The following FAM120B variants were observed in gnomAD, a reference collection of about 807,000 sequenced individuals.
FAM120B encodes constitutive coactivator of peroxisome proliferator-activated receptor gamma.
FAM120B carries 83 observed loss-of-function variants against 96.3 expected under a neutral mutation model. The observed-to-expected ratio is 0.86, with a 90% confidence interval of 0.72 to 1.03. FAM120B has a LOEUF of 1.03. Ranked by LOEUF, FAM120B falls within the 50% of genes least tolerant of loss-of-function variation. FAM120B has a pLI of 0.00. For synonymous variants in FAM120B, 407 were observed against 402.7 expected, an observed-to-expected ratio of 1.01 and a Z score of -0.13; for missense variants, 1,027 against 1,121.2, an observed-to-expected ratio of 0.92 and a Z score of 1.20.
At chr6:170,403,098 G>A (rs1231506937) in intron 9 of FAM120B, among the ~76,000 whole-genome samples, 3 of 152,340 alleles carry the variant, frequency 2.0e-5, no homozygotes, top group Middle Eastern at 3.4e-3. Flanking sequence ...AGCCGTTCTT[G>A]CAAGACAGAA....
At chr6:170,375,932 A>G (rs1383463305) in intron 6 of FAM120B, among the ~76,000 whole-genome samples, 1 of 152,146 alleles carries the variant, frequency 6.6e-6, no homozygotes, top group African/African-American at 2.4e-5. Flanking sequence ...TTGTGAAGAG[A>G]GAGCATAGAA....
chr6:170,303,257 T>C (rs1784179828), upstream of FAM120B, among the ~76,000 whole-genome samples: 1 of 152,204 alleles, frequency 6.6e-6, no homozygotes, highest in Admixed American at 6.5e-5. Context: ...TTTTTGTGTG[T>C]GAGACAGCGT....
At chr6:170,301,876 A>T (rs183314043), upstream of FAM120B, among the ~76,000 whole-genome samples, 3 of 152,272 alleles carry the variant, frequency 2.0e-5, no homozygotes, top group East Asian at 3.9e-4. Flanking sequence ...GAAGCTCTAA[A>T]CTTTCCCACC....
At position 170,323,927 on chromosome 6, in the gene FAM120B, T is replaced by C. The variant is rs763434743; in HGVS notation, c.1915+668T>C. Among the ~76,000 whole-genome samples the C allele has an allele frequency of 2.8e-4, 43 of 152,324 alleles. No homozygotes were observed. In the Middle Eastern group the frequency reaches 0.024, roughly 84 times the overall value. On this transcript the variant is annotated intron_variant, in intron 3 of 10. Coordinates refer to ENST00000476287, the MANE Select transcript of FAM120B (RefSeq NM_032448.3). ...CACTTCATATCAGAAACCAGAGATG[T>C]TGAATGCATTTAGTGCCCTTCTATT...
At chr6:170,367,485 C>T (rs1050094456) in intron 6 of FAM120B, among the ~76,000 whole-genome samples, 10 of 152,236 alleles carry the variant, frequency 6.6e-5, no homozygotes, top group Non-Finnish European at 1.0e-4. Context: ...TGAACGGCTG[C>T]GAGAGACATC....
At chr6:170,367,021 A>G (rs943347570) in intron 6 of FAM120B, among the ~76,000 whole-genome samples, 32 of 152,234 alleles carry the variant, frequency 2.1e-4, no homozygotes, top group Admixed American at 1.8e-3. Context: ...CTCACCAGAA[A>G]CAGTTCATTA....
In FAM120B at chr6:170,397,051, T is replaced by G. The variant is rs76110639; in HGVS notation, c.2692+1472T>G. On this transcript the variant is annotated intron_variant, in intron 9 of 10. Transcript: ENST00000476287. Reference sequence around the variant, plus strand: ...GACTGCAGCCCTGAGGTCGTGTGTGTGTAGAGAGCTCAATGCCTGTCCTGG... The same window carrying G: ...GACTGCAGCCCTGAGGTCGTGTGTGGGTAGAGAGCTCAATGCCTGTCCTGG... Among the ~76,000 whole-genome samples the G allele has an allele frequency of 8.8e-3, 1,337 of 152,336 alleles. 4 individuals are homozygous for G. Among genetic ancestry groups the G allele is most frequent in the Non-Finnish European group, 0.013 (906 of 68,026 alleles).
chr6:170,387,768 A>G (rs1790269341), intron 6 of FAM120B, among the ~76,000 whole-genome samples: 1 of 152,242 alleles, frequency 6.6e-6, no homozygotes, highest in Non-Finnish European at 1.5e-5. Flanking sequence ...AATACTCATA[A>G]TTACAACAAT....
At chr6:170,362,542 C>T (rs772755905) in intron 6 of FAM120B, among the ~76,000 whole-genome samples, 3 of 152,222 alleles carry the variant, frequency 2.0e-5, no homozygotes, top group Non-Finnish European at 4.4e-5. Flanking sequence ...GTTATTCTCT[C>T]ATTGAGCAGA....
chr6:170,358,203 T>G (rs1340379447), intron 5 of FAM120B, 23 bp from the exon 6 acceptor site: 2 of 1,563,968 alleles, frequency 1.3e-6, no homozygotes, highest in African/African-American at 1.3e-5. Context: ...AGCCTAACAC[T>G]GGCCTTTCTC....
chr6:170,305,139 G>A (rs893585608), upstream of FAM120B, among the ~76,000 whole-genome samples: 2 of 152,022 alleles, frequency 1.3e-5, no homozygotes, highest in African/African-American at 4.8e-5. Flanking sequence ...AGACCATCAC[G>A]CTGGGATTAA....
At chr6:170,402,528 A>G (rs1236684247) in intron 9 of FAM120B, among the ~76,000 whole-genome samples, 1 of 152,216 alleles carries the variant, frequency 6.6e-6, no homozygotes, top group East Asian at 1.9e-4. Context: ...GGCCCTGCTG[A>G]GTGAAGCACG....
chr6:170,399,630 G>C (rs1778428944), intron 9 of FAM120B, among the ~76,000 whole-genome samples: 2 of 145,198 alleles, frequency 1.4e-5, no homozygotes, highest in African/African-American at 5.2e-5. Flanking sequence ...TAAGCCTTAG[G>C]AGTGAGTGGG....
chr6:170,354,813 C>T (rs967093839), intron 5 of FAM120B, among the ~76,000 whole-genome samples: 1 of 151,966 alleles, frequency 6.6e-6, no homozygotes, highest in African/African-American at 2.4e-5. Flanking sequence ...CCTGTAATCC[C>T]AGCTACTTGG....
intron 3 of FAM120B, among the ~76,000 whole-genome samples, chr6:170,327,237 G>A (rs948612219): frequency 2.1e-4 from 32 of 152,040 alleles, no homozygotes; most frequent in African/African-American, 4.3e-4. Flanking sequence ...TAGGAGAGAC[G>A]GGGTTTCACT....
Position 170,309,284 on chromosome 6 carries a change from A to G in FAM120B, c.-22+2442A>G, listed in dbSNP as rs180745713. 2.5e-3 allele frequency among the ~76,000 whole-genome samples: 387 copies of G among 152,182 alleles called. 1 individual carries two copies. The highest frequency in any genetic ancestry group is 8.4e-3 in the African/African-American group (351 of 41,572). ...TTAAATTATTTATGCAAAGATAGGT[A>G]TTTCTAAGGAATTTTTTAGTAGTAG... On this transcript the variant is annotated intron_variant, in intron 1 of 10. Transcript: ENST00000476287.
intron 4 of FAM120B, among the ~76,000 whole-genome samples, chr6:170,343,209 C>G (rs1411896030): frequency 6.6e-6 from 1 of 152,180 alleles, no homozygotes; most frequent in African/African-American, 2.4e-5. Flanking sequence ...AGAAATAAAC[C>G]TGTGTATGGC....
intron 6 of FAM120B, among the ~76,000 whole-genome samples, chr6:170,382,785 G>A (rs922025025): frequency 6.6e-6 from 1 of 152,134 alleles, no homozygotes; most frequent in Non-Finnish European, 1.5e-5. Flanking sequence ...TTTTGTAGAT[G>A]CGCAAGATTA....
intron 6 of FAM120B, among the ~76,000 whole-genome samples, chr6:170,371,056 A>G (rs549481757): frequency 6.6e-6 from 1 of 152,268 alleles, no homozygotes; most frequent in East Asian, 1.9e-4. Context: ...CTCTGAACAC[A>G]GAGTTGTTGT....
Sources: allele counts gnomAD v4.1 joint callset (sites outside exome capture counted in the v4.1 genomes callset), GRCh38; gene constraint gnomAD v4.1.1; transcripts MANE v1.5; gene names NCBI Gene and HGNC (gene_info 2026-07-23, HGNC 2026-07-21).